The following COL22A1 variants were observed in gnomAD, a reference collection of about 807,000 sequenced individuals.
The protein encoded by COL22A1 is collagen type XXII alpha 1 chain, also known as collagen alpha-1(XXII) chain.
A neutral mutation model predicts 248.9 loss-of-function variants in COL22A1; 221 were observed. The observed-to-expected ratio is 0.89, with a 90% CI of 0.80 to 0.99. The LOEUF (loss-of-function observed/expected upper bound fraction) is 0.99, where lower values mean the gene tolerates loss of function less well. COL22A1 is among the 50% of genes least tolerant of loss of function. The pLI, the probability that COL22A1 is intolerant of heterozygous loss-of-function variation, is 0.00. For synonymous variants in COL22A1, 891 were observed against 793.4 expected (o/e 1.12, Z -2.07); for missense variants, 2,240 against 2,179.0 (o/e 1.03, Z -0.56).
intron 10 of COL22A1, among the ~76,000 whole-genome samples, chr8:138,806,229 T>TG (rs1427454685): frequency 7.5e-6 from 1 of 134,020 alleles, no homozygotes; most frequent in Non-Finnish European, 1.6e-5. Context: ...TGATGGGGTA[T>TG]GTGTGTGATG....
chr8:138,789,030 G>A (rs950236627), intron 12 of COL22A1, among the ~76,000 whole-genome samples: 4 of 152,176 alleles, frequency 2.6e-5, no homozygotes, highest in Admixed American at 6.5e-5. Context: ...CCCAGTTCAG[G>A]AGTCCAGCAT....
At chr8:138,703,452 T>C in intron 30 of COL22A1, 105 bp from the exon 31 acceptor site, 1 of 1,098,526 alleles carries the variant, frequency 9.1e-7, no homozygotes, top group Non-Finnish European at 1.4e-6. Context: ...CAGAAGGTGT[T>C]GTCTTCTGCA....
At chr8:138,632,975 C>T (rs1444510142) in intron 49 of COL22A1, among the ~76,000 whole-genome samples, 1 of 152,120 alleles carries the variant, frequency 6.6e-6, no homozygotes, top group African/African-American at 2.4e-5. Flanking sequence ...AGTGTTTTAT[C>T]TGGAATAAGG....
intron 9 of COL22A1, among the ~76,000 whole-genome samples, chr8:138,810,353 A>G (rs1013459286): frequency 6.6e-6 from 1 of 152,216 alleles, no homozygotes; most frequent in South Asian, 2.1e-4. Flanking sequence ...ATTGCTTTAA[A>G]CAAGGATTCC....
chr8:138,757,076 CAT>C (rs747782822), intron 18 of COL22A1, among the ~76,000 whole-genome samples: 13 of 152,338 alleles, frequency 8.5e-5, no homozygotes, highest in Non-Finnish European at 1.5e-4. Flanking sequence ...TTCTCACACA[CAT>C]GTGCTTGCAC....
At position 138,882,706 on chromosome 8, in the gene COL22A1, A is replaced by C. The variant is rs533363205; in HGVS notation, c.91+376T>G. Among the ~76,000 whole-genome samples, 49 of 147,520 alleles carry C rather than the reference A, an allele frequency of 3.3e-4. No homozygotes were observed. The East Asian group carries it at 9.5e-3, about 29-fold the overall frequency. On this transcript the variant is annotated intron_variant, in intron 2 of 64. Coordinates refer to ENST00000303045, the MANE Select transcript of COL22A1 (RefSeq NM_152888.3). ...TACACTCCCACACACTTTGTCAAAC[A>C]CACACTCCCTCACACTCCCCCACTC...
chr8:138,597,089 A>G (rs1817607462), intron 61 of COL22A1, 119 bp from the exon 62 acceptor site: 1 of 738,432 alleles, frequency 1.4e-6, no homozygotes, highest in Non-Finnish European at 2.4e-6. Flanking sequence ...AGGGAAGCAC[A>G]TGTTCCTAGC....
At chr8:138,598,590 C>T (rs540004560) in intron 61 of COL22A1, 129 bp downstream of exon 61, 4 of 864,536 alleles carry the variant, frequency 4.6e-6, no homozygotes, top group East Asian at 2.6e-5. Flanking sequence ...AGTAGCCTGC[C>T]CCAGGTCATA....
chr8:138,852,366 T>A (rs1318282543), intron 3 of COL22A1, among the ~76,000 whole-genome samples: 1 of 152,150 alleles, frequency 6.6e-6, no homozygotes, highest in African/African-American at 2.4e-5. Flanking sequence ...CCTGAAAGAC[T>A]GGGCAGGATC....
chr8:138,717,127 A>G (rs951119390), intron 27 of COL22A1, among the ~76,000 whole-genome samples: 2 of 151,994 alleles, frequency 1.3e-5, no homozygotes, highest in African/African-American at 4.8e-5. Context: ...GTCCCATTAG[A>G]ATTTATTTTT....
intron 61 of COL22A1, among the ~76,000 whole-genome samples, chr8:138,597,647 G>T (rs1422707117): frequency 6.6e-6 from 1 of 152,156 alleles, no homozygotes; most frequent in Non-Finnish European, 1.5e-5. Context: ...ACTGCTCCAG[G>T]GCACTGTCTA....
chr8:138,589,161 T>G lies in COL22A1; in HGVS notation c.*92A>C. On this transcript the variant is annotated 3_prime_UTR_variant, in exon 65 of 65. Coordinates refer to ENST00000303045, the MANE Select transcript of COL22A1 (RefSeq NM_152888.3). Reference sequence around the variant, plus strand: ...AAGAAAGAAAAAAAAAAGGAACACATGGCTGAAGTCTTTCAAGACCTCTGG... The same window carrying G: ...AAGAAAGAAAAAAAAAAGGAACACAGGGCTGAAGTCTTTCAAGACCTCTGG... 8.6e-7 allele frequency: 1 copy of G among 1,168,692 alleles called. No individual in the cohort carries two copies. The highest frequency in any genetic ancestry group is 1.2e-6 in the Non-Finnish European group (1 of 823,156). 72.4% of individuals were successfully genotyped at this position (1,168,692 alleles called of 1,614,324 possible). A position where few individuals can be genotyped will look rare whatever the true frequency, so the allele number is the denominator to read the frequency against.
chr8:138,792,460 G>C (rs1348080030), intron 12 of COL22A1, among the ~76,000 whole-genome samples: 2 of 152,166 alleles, frequency 1.3e-5, no homozygotes, highest in Non-Finnish European at 2.9e-5. Flanking sequence ...TCTTTCAACT[G>C]GCTCCTTTCA....
At chr8:138,611,615 G>C (rs1587669830) in intron 56 of COL22A1, among the ~76,000 whole-genome samples, 1 of 152,198 alleles carries the variant, frequency 6.6e-6, no homozygotes, top group Admixed American at 6.5e-5. Flanking sequence ...TTTATGTGCT[G>C]TATCCATATC....
intron 45 of COL22A1, among the ~76,000 whole-genome samples, chr8:138,655,089 G>C (rs1342054911): frequency 6.6e-6 from 1 of 152,182 alleles, no homozygotes; most frequent in Non-Finnish European, 1.5e-5. Context: ...TTATTCTTAG[G>C]ATGTCCTATT....
intron 29 of COL22A1, 35 bp from the exon 30 acceptor site, chr8:138,715,770 CCCAAA>C: frequency 6.6e-7 from 1 of 1,511,894 alleles, no homozygotes; most frequent in Middle Eastern, 1.7e-4. Context: ...AACATTAGAA[CCCAAA>C]CCGAGCTGAA....
At chr8:138,899,477 T>C (rs1002788791) in intron 1 of COL22A1, among the ~76,000 whole-genome samples, 10 of 152,344 alleles carry the variant, frequency 6.6e-5, no homozygotes, top group African/African-American at 1.2e-4. Flanking sequence ...ATTATGCTGC[T>C]TCATATTTTG....
At chr8:138,651,667 TC>T (rs11296210) in intron 45 of COL22A1, among the ~76,000 whole-genome samples, 100,953 of 152,014 alleles carry the variant, frequency 0.66, 37,833 homozygotes, top group Non-Finnish European at 0.84. Flanking sequence ...GTAGACCTTC[TC>T]TTATTGTACT....
At chr8:138,733,090 G>A (rs920406814) in intron 23 of COL22A1, among the ~76,000 whole-genome samples, 1 of 152,122 alleles carries the variant, frequency 6.6e-6, no homozygotes, top group Non-Finnish European at 1.5e-5. Context: ...TCTGCACAGA[G>A]GCCCAGGCCC....
Sources: gnomAD v4.1 joint callset for allele counts (sites outside exome capture counted in the v4.1 genomes callset) on GRCh38, gnomAD v4.1.1 for gene constraint, MANE v1.5 for transcripts, NCBI Gene and HGNC (gene_info 2026-07-23, HGNC 2026-07-21) for gene names.